The following DPH6 variants were observed in gnomAD, a reference collection of about 807,000 sequenced individuals.
The protein encoded by DPH6 is diphthamine biosynthesis 6.
Under a neutral mutation model 38.2 loss-of-function variants are expected in DPH6, and 33 were observed. The ratio of observed to expected loss-of-function variants is 0.86; its 90% confidence interval spans 0.65 to 1.15. DPH6 has a LOEUF of 1.15. Ranked by LOEUF, DPH6 falls within the 50% of genes most tolerant of loss-of-function variation. The probability of loss-of-function intolerance (pLI) is 0.00; values close to 1 mark genes in which losing one functional copy is unlikely to be tolerated. For missense variants in DPH6, 325 were observed against 320.0 expected, an observed-to-expected ratio of 1.02 and a Z score of -0.12; for synonymous variants, 108 against 103.0, an observed-to-expected ratio of 1.05 and a Z score of -0.30.
intron 7 of DPH6, among the ~76,000 whole-genome samples, chr15:35,379,492 C>T (rs66834903): frequency 0.03 from 4,502 of 152,212 alleles, 112 homozygotes; most frequent in African/African-American, 0.064. Flanking sequence ...AAAACAGTTA[C>T]AGGAACTAAG....
chr15:35,454,901 A>G (rs1013558888), intron 3 of DPH6, 81 bp from the exon 4 acceptor site: 1 of 1,049,226 alleles, frequency 9.5e-7, no homozygotes, highest in Non-Finnish European at 1.4e-6. Context: ...TTATAAATGA[A>G]CTGTGTCTCA....
chr15:35,401,617 C>G, intron 6 of DPH6: 1 of 760,106 alleles, frequency 1.3e-6, no homozygotes, highest in Non-Finnish European at 2.4e-6. Context: ...CAATCATCTT[C>G]GAATTTTGGA....
intron 3 of DPH6, chr15:35,298,817 C>T: frequency 1.8e-6 from 2 of 1,093,498 alleles, no homozygotes; most frequent in Non-Finnish European, 2.8e-6. Flanking sequence ...TCCTCGTACA[C>T]TGGGGGAGGA....
intron 3 of DPH6, among the ~76,000 whole-genome samples, chr15:35,518,716 G>A (rs1262636746): frequency 6.6e-6 from 1 of 151,938 alleles, no homozygotes; most frequent in African/African-American, 2.4e-5. Flanking sequence ...TTGCCAGATA[G>A]GACTTTTAAA....
intron 3 of DPH6, among the ~76,000 whole-genome samples, chr15:35,272,822 G>A (rs192780134): frequency 4.6e-5 from 7 of 151,784 alleles, no homozygotes; most frequent in Admixed American, 2.6e-4. Context: ...CAGGAGAATC[G>A]CTTGAACCCG....
intron 2 of DPH6, among the ~76,000 whole-genome samples, chr15:35,542,050 T>C (rs2055260242): frequency 6.6e-6 from 1 of 152,144 alleles, no homozygotes; most frequent in Admixed American, 6.5e-5. Context: ...CTGTATCTTA[T>C]CTACCTCTAT....
chr15:35,162,980 G>A, the DPH6 span, among the ~76,000 whole-genome samples: 1 of 151,850 alleles, frequency 6.6e-6, no homozygotes, highest in Non-Finnish European at 1.5e-5. Context: ...GGCAAAGGCA[G>A]AGGAATCAGC....
intron 3 of DPH6, among the ~76,000 whole-genome samples, chr15:35,355,251 T>C (rs978839543): frequency 2.0e-5 from 3 of 152,230 alleles, no homozygotes; most frequent in Admixed American, 6.5e-5. Context: ...TTTGCCAGTC[T>C]GTGTCTTCTA....
intron 3 of DPH6, among the ~76,000 whole-genome samples, chr15:35,273,859 C>T (rs2051839552): frequency 6.6e-6 from 1 of 152,172 alleles, no homozygotes; most frequent in African/African-American, 2.4e-5. Context: ...AGTGCTACTC[C>T]CATCAAGCTA....
At chr15:35,315,283 C>A (rs904567260) in intron 3 of DPH6, among the ~76,000 whole-genome samples, 1 of 152,198 alleles carries the variant, frequency 6.6e-6, no homozygotes. Context: ...CTTCCACAAC[C>A]AGCAGAATGC....
At chr15:35,263,976 G>A (rs11639417) in intron 3 of DPH6, among the ~76,000 whole-genome samples, 24,644 of 152,060 alleles carry the variant, frequency 0.16, 2,570 homozygotes, top group South Asian at 0.32. Flanking sequence ...GCCTCACAAA[G>A]TGCTAGGATT....
At chr15:35,219,118 A>C (rs2051427122) in exon 4 of DPH6, 1 of 152,192 alleles carries the variant, frequency 6.6e-6, no homozygotes, top group Non-Finnish European at 1.5e-5. Context: ...CACAAAGTGT[A>C]GTCTTCTCTT....
intron 3 of DPH6, chr15:35,365,750 A>G (rs1452169340): frequency 1.0e-6 from 1 of 981,492 alleles, no homozygotes; most frequent in Non-Finnish European, 1.2e-6. Context: ...AAGTCCATTT[A>G]CTCGAGACAG....
At chr15:35,358,448 T>C (rs576304744) in intron 3 of DPH6, among the ~76,000 whole-genome samples, 14 of 152,312 alleles carry the variant, frequency 9.2e-5, no homozygotes, top group African/African-American at 2.9e-4. Flanking sequence ...TTTGGAGGCA[T>C]TGAAGAGCCT....
intron 6 of DPH6, chr15:35,401,303 G>A: frequency 1.2e-6 from 1 of 844,764 alleles, no homozygotes; most frequent in Non-Finnish European, 2.0e-6. Context: ...AACTTTGGTA[G>A]TGGAGGAAAC....
chr15:35,163,512 T>C, the DPH6 span, among the ~76,000 whole-genome samples: 126 of 151,896 alleles, frequency 8.3e-4, no homozygotes, highest in Admixed American at 1.7e-3. Context: ...AATGTACTAA[T>C]GCAAATAGAA....
At chr15:35,238,277 A>G (rs2051571634) in intron 3 of DPH6, 1 of 327,850 alleles carries the variant, frequency 3.1e-6, no homozygotes, top group African/African-American at 2.2e-5. Flanking sequence ...CAAAAAAAAA[A>G]AAATGACCAT....
chr15:35,496,567 A>AAAAAAATATATATATAT lies in DPH6; in HGVS notation c.312+41706_312+41707insATATATATATATTTTTT. On this transcript the variant is annotated intron_variant, in intron 3 of 8. Coordinates refer to ENST00000256538, the MANE Select transcript of DPH6 (RefSeq NM_080650.4). ...GAAAGTTCCATCTCAAAAAAAAAAA[A>AAAAAAATATATATATAT]ATATATATATATATATATATATATC... is the stretch of plus-strand genomic sequence containing the variant. Among the ~76,000 whole-genome samples the AAAAAAATATATATATAT allele has an allele frequency of 1.6e-4, 5 of 31,012 alleles. 1 individual carries two copies. The highest frequency in any genetic ancestry group is 2.1e-4 in the Non-Finnish European group (4 of 19,034). 20.3% of individuals were successfully genotyped at this position (31,012 alleles called of 152,430 possible). A position where few individuals can be genotyped will look rare whatever the true frequency, so the allele number is the denominator to read the frequency against.
At chr15:35,213,324 G>T (rs1244533692), downstream of DPH6, among the ~76,000 whole-genome samples, 1 of 152,156 alleles carries the variant, frequency 6.6e-6, no homozygotes, top group East Asian at 1.9e-4. Context: ...ATGAGATACC[G>T]TTAACAGTAG....
Sources: gnomAD v4.1 joint callset for allele counts (sites outside exome capture counted in the v4.1 genomes callset) on GRCh38, gnomAD v4.1.1 for gene constraint, MANE v1.5 for transcripts, NCBI Gene and HGNC (gene_info 2026-07-23, HGNC 2026-07-21) for gene names.